Variants in SPPL2A observed in about 807,000 individuals in gnomAD.
SPPL2A encodes signal peptide peptidase-like 2A.
SPPL2A carries 51 observed loss-of-function variants against 63.8 expected under a neutral mutation model. That is an observed-to-expected ratio of 0.80 (90% CI 0.64 to 1.01). SPPL2A has a LOEUF of 1.01. Among genes scored for constraint, SPPL2A ranks in the 50% least tolerant of loss-of-function variants. The pLI, the probability that SPPL2A is intolerant of heterozygous loss-of-function variation, is 0.00. For synonymous variants in SPPL2A, 188 were observed against 205.8 expected, an observed-to-expected ratio of 0.91 and a Z score of 0.74; for missense variants, 553 against 622.7, an observed-to-expected ratio of 0.89 and a Z score of 1.19.
chr15:50,744,156 G>A (rs1306592080), intron 5 of SPPL2A, among the ~76,000 whole-genome samples: 2 of 150,060 alleles, frequency 1.3e-5, no homozygotes, highest in African/African-American at 4.9e-5. Flanking sequence ...TGCAGCCTGG[G>A]TGACAGAGTG....
intron 12 of SPPL2A, among the ~76,000 whole-genome samples, chr15:50,723,332 G>C (rs932271095): frequency 2.6e-5 from 4 of 152,160 alleles, no homozygotes; most frequent in Admixed American, 2.0e-4. Flanking sequence ...ACTGAAATCA[G>C]TATGTCAAAG....
At chr15:50,761,920 A>C (rs1174209396) in intron 1 of SPPL2A, among the ~76,000 whole-genome samples, 1 of 152,118 alleles carries the variant, frequency 6.6e-6, no homozygotes, top group Non-Finnish European at 1.5e-5. Context: ...CTACAGAGCA[A>C]GACTCCATCT....
chr15:50,708,254 G>T (rs918517647), intron 14 of SPPL2A, among the ~76,000 whole-genome samples: 1 of 152,132 alleles, frequency 6.6e-6, no homozygotes, highest in Admixed American at 6.5e-5. Flanking sequence ...ACTAAAAATG[G>T]CCTCATGAGT....
At chr15:50,714,315 T>C (rs1208481254) in intron 14 of SPPL2A, among the ~76,000 whole-genome samples, 2 of 152,180 alleles carry the variant, frequency 1.3e-5, no homozygotes, top group Admixed American at 6.5e-5. Flanking sequence ...CCTTTGTAGG[T>C]AGCTGCTGTG....
chr15:50,717,968 GT>G (rs57049574), intron 14 of SPPL2A, among the ~76,000 whole-genome samples: 333 of 91,646 alleles, frequency 3.6e-3, no homozygotes, highest in African/African-American at 0.013. Flanking sequence ...TGTAACTTTC[GT>G]TTTTTTTTTT....
In SPPL2A at chr15:50,707,696, A is replaced by G. The variant is rs893422118; in HGVS notation, c.*104T>C. The G allele has an allele frequency of 4.6e-6, 3 of 652,478 alleles. No individual in the cohort carries two copies. Among genetic ancestry groups the G allele is most frequent in the Non-Finnish European group, 8.3e-6 (3 of 360,676 alleles). 40.4% of individuals were successfully genotyped at this position (652,478 alleles called of 1,614,324 possible). On this transcript the variant is annotated 3_prime_UTR_variant, in exon 15 of 15. Coordinates refer to ENST00000261854, the MANE Select transcript of SPPL2A (RefSeq NM_032802.4). ...CTCATAAAAATATATTTTTGCAAGCATATCATTGAAGACTCTTTCAGATTG... is the reference window on the plus strand; with the variant it reads ...CTCATAAAAATATATTTTTGCAAGCGTATCATTGAAGACTCTTTCAGATTG...
chr15:50,740,016 C>T (rs1006482984), intron 5 of SPPL2A, among the ~76,000 whole-genome samples, 188 bp from the exon 6 acceptor site: 3 of 151,912 alleles, frequency 2.0e-5, no homozygotes, highest in African/African-American at 4.8e-5. Flanking sequence ...AAAAACTGTA[C>T]CCTACAAAGA....
intron 14 of SPPL2A, among the ~76,000 whole-genome samples, chr15:50,713,833 C>T (rs2062579200): frequency 6.6e-6 from 1 of 151,946 alleles, no homozygotes; most frequent in Admixed American, 6.6e-5. Context: ...CAACAAACAA[C>T]AAAACAAAAA....
intron 1 of SPPL2A, among the ~76,000 whole-genome samples, chr15:50,756,356 CAAAA>C (rs34922256): frequency 3.2e-5 from 2 of 63,404 alleles, no homozygotes; most frequent in African/African-American, 6.0e-5. Flanking sequence ...GACTCCGTCT[CAAAA>C]AAAAAAAAAA....
Position 50,707,543 on chromosome 15 carries a change from G to A in SPPL2A, c.*257C>T. 3.1e-6 allele frequency: 1 copy of A among 318,788 alleles called. No homozygotes were observed. Among genetic ancestry groups the A allele is most frequent in the East Asian group, 5.1e-5 (1 of 19,748 alleles). 19.7% of individuals were successfully genotyped at this position (318,788 alleles called of 1,614,324 possible). A position where few individuals can be genotyped will look rare whatever the true frequency, so the allele number is the denominator to read the frequency against. On this transcript the variant is annotated 3_prime_UTR_variant, in exon 15 of 15. Transcript: ENST00000261854. The stretch of plus-strand genomic sequence containing the variant: ...GGGTGGGTCAAGGCATTTTTTTTTA[G>A]AAAAATATACTGTATATAGTACATC...
rs1458788775 is a variant in SPPL2A, at chr15:50,704,262, A to G, written c.*3538T>C. The G allele has an allele frequency of 6.6e-6, 1 of 150,620 alleles. No homozygotes were observed. Among genetic ancestry groups the G allele is most frequent in the Non-Finnish European group, 1.5e-5 (1 of 67,836 alleles). The allele number at this position is 150,620 out of a possible 1,614,324, so 9.3% of individuals were successfully genotyped here. The stretch of plus-strand genomic sequence containing the variant: ...GAGGCTGAGTCAGGAGAATTGCTTG[A>G]ACCCGGGAGTCGGAGATTGCAGTGA... On this transcript the variant is annotated 3_prime_UTR_variant, in exon 15 of 15. Coordinates refer to ENST00000261854, the MANE Select transcript of SPPL2A (RefSeq NM_032802.4).
At position 50,702,463 on chromosome 15, in the gene SPPL2A, A is replaced by G. The variant is rs1301403513; in HGVS notation, c.*5337T>C. 1 of 152,210 alleles carries G rather than the reference A, an allele frequency of 6.6e-6. No individual in the cohort carries two copies. Among genetic ancestry groups the G allele is most frequent in the Admixed American group, 6.6e-5 (1 of 15,266 alleles). The allele number at this position is 152,210 out of a possible 1,614,324, so 9.4% of individuals were successfully genotyped here. On this transcript the variant is annotated 3_prime_UTR_variant, in exon 15 of 15. Coordinates refer to ENST00000261854, the MANE Select transcript of SPPL2A (RefSeq NM_032802.4). ...ATTAATTTACACTAACTTACATATCAAAGTGTTAAAAAAGAAATTCCACAC... is the reference window on the plus strand; with the variant it reads ...ATTAATTTACACTAACTTACATATCGAAGTGTTAAAAAAGAAATTCCACAC...
intron 1 of SPPL2A, among the ~76,000 whole-genome samples, chr15:50,755,127 G>A (rs1028886068): frequency 6.6e-6 from 1 of 151,688 alleles, no homozygotes; most frequent in Non-Finnish European, 1.5e-5. Flanking sequence ...AAACCATCCT[G>A]GCTAAGAAGG....
chr15:50,758,163 C>G (rs1445774858), intron 1 of SPPL2A, among the ~76,000 whole-genome samples: 1 of 150,156 alleles, frequency 6.7e-6, no homozygotes, highest in Non-Finnish European at 1.5e-5. Flanking sequence ...GTGGTGGACG[C>G]CTGTAGTCCC....
intron 9 of SPPL2A, among the ~76,000 whole-genome samples, chr15:50,731,317 C>A (rs553421710): frequency 6.6e-6 from 1 of 150,682 alleles, no homozygotes; most frequent in Admixed American, 6.6e-5. Context: ...GAGACTGAGG[C>A]GGGGCGGATC....
chr15:50,748,333 C>T (rs2141051713), intron 3 of SPPL2A, 131 bp from the exon 4 acceptor site: 1 of 443,502 alleles, frequency 2.3e-6, no homozygotes, highest in Non-Finnish European at 3.9e-6. Flanking sequence ...TCTTTCTTAA[C>T]ACTCTAAGTT....
chr15:50,743,910 C>T lies in SPPL2A; in HGVS notation c.584+3585G>A, dbSNP rs972811370. 2.0e-5 allele frequency among the ~76,000 whole-genome samples: 3 copies of T among 152,192 alleles called. No individual in the cohort carries two copies. The East Asian group carries it at 5.8e-4, about 29-fold the overall frequency. On this transcript the variant is annotated intron_variant, in intron 5 of 14. Transcript: ENST00000261854. ...TTAATAATTGCCAGGCGCAGTGGCT[C>T]ACACCTGTAATCCCAGCATTTTGGG...
intron 13 of SPPL2A, among the ~76,000 whole-genome samples, chr15:50,720,717 T>C (rs2062639638): frequency 6.6e-6 from 1 of 151,840 alleles, no homozygotes; most frequent in African/African-American, 2.4e-5. Context: ...ACTGGGTTTC[T>C]CCATGTTGGT....
At chr15:50,745,682 C>T (rs2062852216) in intron 5 of SPPL2A, among the ~76,000 whole-genome samples, 1 of 151,842 alleles carries the variant, frequency 6.6e-6, no homozygotes, top group South Asian at 2.1e-4. Flanking sequence ...TGAGTAGCCT[C>T]TGGGGCTAGA....
Sources: gnomAD v4.1 joint callset for allele counts (sites outside exome capture counted in the v4.1 genomes callset) on GRCh38, gnomAD v4.1.1 for gene constraint, MANE v1.5 for transcripts, NCBI Gene and HGNC (gene_info 2026-07-23, HGNC 2026-07-21) for gene names.